Variants in KCNN3 observed in about 807,000 individuals in gnomAD.
KCNN3 encodes the protein small conductance calcium-activated potassium channel protein 3.
Under a neutral mutation model 62.9 loss-of-function variants are expected in KCNN3, and 16 were observed. The observed-to-expected ratio is 0.25, with a 90% CI of 0.17 to 0.39. The LOEUF is 0.39. Among genes scored for constraint, KCNN3 ranks in the 10% least tolerant of loss-of-function variants. KCNN3 has a pLI of 1.00. For missense variants in KCNN3, 599 were observed against 949.4 expected (o/e 0.63, Z 4.85); for synonymous variants, 370 against 389.2 (o/e 0.95, Z 0.58).
chr1:154,829,400 G>A (rs1651287676), intron 1 of KCNN3, among the ~76,000 whole-genome samples: 1 of 152,214 alleles, frequency 6.6e-6, no homozygotes, highest in African/African-American at 2.4e-5. Context: ...CTGTGTGGGT[G>A]AGGACATCTT....
intron 1 of KCNN3, among the ~76,000 whole-genome samples, chr1:154,826,172 C>A (rs1190960159): frequency 2.0e-5 from 3 of 151,824 alleles, no homozygotes; most frequent in African/African-American, 7.3e-5. Flanking sequence ...TAAACTCAGA[C>A]CCCAAAACGA....
At position 154,708,209 on chromosome 1, in the gene KCNN3, G is replaced by C. The variant is rs776316771; in HGVS notation, c.1963C>G (p.Gln655Glu). The change falls in exon 8 of 8, where the codon CAG (glutamine) becomes GAG (glutamate). Residue 655 changes from glutamine (Q) to glutamate (E), a missense_variant. Coordinates refer to ENST00000271915, the MANE Select transcript of KCNN3 (RefSeq NM_002249.6). ...AGCTTCGACTCCAGGCTGCCAATCT[G>C]CTTCTCCAGGTCTTCGCTCCGGTCA... is the stretch of plus-strand genomic sequence containing the variant. Reference protein sequence around the residue: ...LNDRSEDLEKQIGSLESKLEH... With the variant: ...LNDRSEDLEKEIGSLESKLEH... 1 of 1,613,916 alleles carries C rather than the reference G, an allele frequency of 6.2e-7. No individual in the cohort carries two copies. Among genetic ancestry groups the C allele is most frequent in the Admixed American group, 1.7e-5 (1 of 60,024 alleles).
chr1:154,815,900 A>G (rs1384803006), intron 2 of KCNN3, among the ~76,000 whole-genome samples: 4 of 152,168 alleles, frequency 2.6e-5, no homozygotes, highest in Non-Finnish European at 5.9e-5. Flanking sequence ...GTGGGACCCC[A>G]AAGCACCTGG....
At chr1:154,800,153 G>A (rs1374435063) in intron 2 of KCNN3, among the ~76,000 whole-genome samples, 2 of 152,142 alleles carry the variant, frequency 1.3e-5, no homozygotes, top group African/African-American at 4.8e-5. Flanking sequence ...ATGATTCATT[G>A]GCTGTGTTCT....
At chr1:154,864,406 A>G (rs1652879064) in intron 1 of KCNN3, among the ~76,000 whole-genome samples, 1 of 152,248 alleles carries the variant, frequency 6.6e-6, no homozygotes, top group Non-Finnish European at 1.5e-5. Context: ...CCTTCTGCAG[A>G]CAAGGCTTCC....
At chr1:154,816,325 A>G (rs1380377562) in intron 2 of KCNN3, among the ~76,000 whole-genome samples, 1 of 152,228 alleles carries the variant, frequency 6.6e-6, no homozygotes, top group Non-Finnish European at 1.5e-5. Context: ...TACTTTGAAT[A>G]TGGCCAAGAA....
At chr1:154,821,074 C>G (rs1650871750) in intron 2 of KCNN3, among the ~76,000 whole-genome samples, 1 of 152,222 alleles carries the variant, frequency 6.6e-6, no homozygotes, top group Non-Finnish European at 1.5e-5. Flanking sequence ...AACAGCTCAG[C>G]AGAGCTGGAA....
At chr1:154,820,934 A>C (rs199827138) in intron 2 of KCNN3, among the ~76,000 whole-genome samples, 1 of 152,082 alleles carries the variant, frequency 6.6e-6, no homozygotes, top group East Asian at 1.9e-4. Context: ...AGGAGGAGGC[A>C]CTCCCACCTG....
intron 1 of KCNN3, among the ~76,000 whole-genome samples, chr1:154,848,790 A>G (rs1271095014): frequency 1.3e-5 from 2 of 151,914 alleles, no homozygotes; most frequent in Admixed American, 1.3e-4. Context: ...AAGCCTCCAA[A>G]CATTAATATC....
intron 1 of KCNN3, among the ~76,000 whole-genome samples, chr1:154,845,304 C>T (rs551918537): frequency 6.6e-6 from 1 of 152,324 alleles, no homozygotes; most frequent in African/African-American, 2.4e-5. Context: ...TCCTCAGCAT[C>T]CAGCCAACAC....
At chr1:154,827,490 A>G (rs895465209) in intron 1 of KCNN3, among the ~76,000 whole-genome samples, 1 of 152,094 alleles carries the variant, frequency 6.6e-6, no homozygotes, top group Non-Finnish European at 1.5e-5. Flanking sequence ...TCCTCCTCCC[A>G]GGTGCAGCAC....
chr1:154,797,842 T>C (rs1332324924), intron 2 of KCNN3, among the ~76,000 whole-genome samples: 3 of 152,160 alleles, frequency 2.0e-5, no homozygotes, highest in Admixed American at 2.0e-4. Flanking sequence ...TGAGCAAGTC[T>C]CTGTAACTTG....
At chr1:154,840,624 C>G (rs2101911273) in intron 1 of KCNN3, among the ~76,000 whole-genome samples, 1 of 152,334 alleles carries the variant, frequency 6.6e-6, no homozygotes, top group South Asian at 2.1e-4. Context: ...AACGGCTTCT[C>G]CAAGCAGACA....
intron 5 of KCNN3, among the ~76,000 whole-genome samples, chr1:154,716,374 C>T (rs1700233519): frequency 2.0e-5 from 3 of 152,212 alleles, no homozygotes; most frequent in Admixed American, 2.0e-4. Context: ...AGTAGGCCAG[C>T]CTAATAGAAA....
intron 3 of KCNN3, among the ~76,000 whole-genome samples, chr1:154,750,244 C>G (rs921342814): frequency 6.6e-6 from 1 of 152,140 alleles, no homozygotes; most frequent in African/African-American, 2.4e-5. Flanking sequence ...GCTGGTGCAC[C>G]CCAAGCTCTG....
intron 1 of KCNN3, among the ~76,000 whole-genome samples, chr1:154,838,164 C>T (rs763701454): frequency 4.2e-4 from 64 of 152,212 alleles, no homozygotes; most frequent in Admixed American, 1.5e-3. Context: ...AAGGCGGCCA[C>T]GGGTGTGGAG....
chr1:154,841,220 A>C (rs2101911905), intron 1 of KCNN3, among the ~76,000 whole-genome samples: 1 of 152,370 alleles, frequency 6.6e-6, no homozygotes, highest in South Asian at 2.1e-4. Context: ...CACAGACTCC[A>C]CATTAAATGG....
Position 154,771,027 on chromosome 1 carries a change from A to C in KCNN3, c.1448+948T>G, listed in dbSNP as rs189431629. Among the ~76,000 whole-genome samples, 67 of 152,032 alleles carry C rather than the reference A, an allele frequency of 4.4e-4. 2 individuals are homozygous for C. In the East Asian group the frequency reaches 4.7e-3, roughly 11 times the overall value. ...AGCAGAGACTATGCCACTGCACTCC[A>C]GCCTGGGCGAGAGAGCGAGACTCCA... On this transcript the variant is annotated intron_variant, in intron 3 of 7. Coordinates refer to ENST00000271915, the MANE Select transcript of KCNN3 (RefSeq NM_002249.6).
At chr1:154,749,412 GC>G (rs559716059) in intron 3 of KCNN3, among the ~76,000 whole-genome samples, 96 of 152,242 alleles carry the variant, frequency 6.3e-4, no homozygotes, top group Non-Finnish European at 1.2e-3. Flanking sequence ...CCTCACCTAG[GC>G]AGGGTTAGTG....
Sources: allele counts gnomAD v4.1 joint callset (sites outside exome capture counted in the v4.1 genomes callset), GRCh38; gene constraint gnomAD v4.1.1; transcripts MANE v1.5; gene names NCBI Gene and HGNC (gene_info 2026-07-23, HGNC 2026-07-21).